Variants in CORIN observed in about 807,000 individuals in gnomAD.
CORIN encodes the protein corin, serine peptidase.
Under a neutral mutation model 125.3 loss-of-function variants are expected in CORIN, and 117 were observed. The ratio of observed to expected loss-of-function variants is 0.93; its 90% CI spans 0.80 to 1.09. The LOEUF (loss-of-function observed/expected upper bound fraction) is 1.09, where lower values mean the gene tolerates loss of function less well. Ranked by LOEUF, CORIN falls within the 50% of genes least tolerant of loss-of-function variation. The pLI is 0.00. For synonymous variants in CORIN, 450 were observed against 466.4 expected (o/e 0.96, Z 0.45); for missense variants, 1,253 against 1,306.7 (o/e 0.96, Z 0.63).
At position 47,834,062 on chromosome 4, in the gene CORIN, A is replaced by G. The variant is rs543346110; in HGVS notation, c.63+3825T>C. The stretch of plus-strand genomic sequence containing the variant: ...TGATACCAGCATACAGTATAGAACT[A>G]ACATATGATCCCATTTCTAGATATG... On this transcript the variant is annotated intron_variant, in intron 1 of 21. Coordinates refer to ENST00000273857, the MANE Select transcript of CORIN (RefSeq NM_006587.4). Among the ~76,000 whole-genome samples, 6 of 152,332 alleles carry G rather than the reference A, an allele frequency of 3.9e-5. 1 individual carries two copies. Among genetic ancestry groups the G allele is most frequent in the South Asian group, 4.1e-4 (2 of 4,832 alleles).
At chr4:47,751,490 C>G (rs1198898148) in intron 4 of CORIN, among the ~76,000 whole-genome samples, 2 of 152,116 alleles carry the variant, frequency 1.3e-5, no homozygotes, top group African/African-American at 2.4e-5. Context: ...AAAAATTAAG[C>G]CAGCTGTACT....
intron 10 of CORIN, among the ~76,000 whole-genome samples, chr4:47,671,916 T>G (rs1056052176): frequency 6.6e-6 from 1 of 151,698 alleles, no homozygotes; most frequent in Non-Finnish European, 1.5e-5. Context: ...AACACAGGAG[T>G]AATGAGGGCA....
intron 21 of CORIN, among the ~76,000 whole-genome samples, chr4:47,599,170 G>A (rs961840943): frequency 2.6e-5 from 4 of 152,162 alleles, no homozygotes; most frequent in African/African-American, 9.7e-5. Context: ...CTCCTGTAGA[G>A]AAGGGAGGGA....
chr4:47,698,734 T>G (rs1251673420), intron 5 of CORIN, among the ~76,000 whole-genome samples: 1 of 151,992 alleles, frequency 6.6e-6, no homozygotes, highest in Non-Finnish European at 1.5e-5. Context: ...GAGACATGAG[T>G]GGATGCTGGA....
chr4:47,707,244 T>A (rs1726614703), intron 5 of CORIN, among the ~76,000 whole-genome samples: 2 of 152,188 alleles, frequency 1.3e-5, no homozygotes, highest in Non-Finnish European at 2.9e-5. Flanking sequence ...CTGCGTGGTA[T>A]AATAGGCTTA....
At chr4:47,600,790 G>T (rs1400722469) in intron 20 of CORIN, among the ~76,000 whole-genome samples, 2 of 152,188 alleles carry the variant, frequency 1.3e-5, no homozygotes, top group Non-Finnish European at 2.9e-5. Context: ...GGGAAGGGTT[G>T]TCCTATTCTT....
chr4:47,795,054 C>T (rs1156550473), intron 2 of CORIN, among the ~76,000 whole-genome samples: 1 of 152,108 alleles, frequency 6.6e-6, no homozygotes, highest in Non-Finnish European at 1.5e-5. Context: ...AGTATTCTTT[C>T]CCCCTCGTGT....
intron 7 of CORIN, chr4:47,682,872 C>T (rs1377557436): frequency 1.3e-5 from 2 of 152,212 alleles, no homozygotes; most frequent in Non-Finnish European, 2.9e-5. Flanking sequence ...GGCAGCTAGA[C>T]AGCGCTCCTA....
At chr4:47,809,425 G>C (rs988721913) in intron 1 of CORIN, among the ~76,000 whole-genome samples, 10 of 106,204 alleles carry the variant, frequency 9.4e-5, no homozygotes, top group African/African-American at 4.0e-4. Context: ...TTTTTTTTGA[G>C]ATAGAGTCTC....
chr4:47,642,436 C>A (rs974341245), intron 15 of CORIN, among the ~76,000 whole-genome samples: 4 of 152,176 alleles, frequency 2.6e-5, no homozygotes, highest in Admixed American at 2.0e-4. Context: ...AACGCAAGTG[C>A]GTGAGAGGGA....
intron 12 of CORIN, among the ~76,000 whole-genome samples, chr4:47,659,164 C>G (rs1724134678): frequency 6.6e-6 from 1 of 152,172 alleles, no homozygotes; most frequent in African/African-American, 2.4e-5. Flanking sequence ...CTTCACTATC[C>G]ATATCACTAT....
At chr4:47,606,378 A>G in intron 19 of CORIN, among the ~76,000 whole-genome samples, 1 of 151,918 alleles carries the variant, frequency 6.6e-6, no homozygotes. Flanking sequence ...TCAGCCCCCC[A>G]CCAAGTAGCT....
intron 3 of CORIN, among the ~76,000 whole-genome samples, chr4:47,767,188 C>T (rs1729794259): frequency 6.6e-6 from 1 of 152,206 alleles, no homozygotes; most frequent in East Asian, 1.9e-4. Context: ...TGAAGTCAAT[C>T]TGCCCAGCAG....
rs143408149 is a variant in CORIN, at chr4:47,768,761, G to A, written c.410-5175C>T. Among the ~76,000 whole-genome samples, 6 of 152,196 alleles carry A rather than the reference G, an allele frequency of 3.9e-5. No individual in the cohort carries two copies. In the South Asian group the frequency reaches 8.3e-4, roughly 21 times the overall value. On this transcript the variant is annotated intron_variant, in intron 3 of 21. Coordinates refer to ENST00000273857, the MANE Select transcript of CORIN (RefSeq NM_006587.4). ...CTCAAAAGACAGAAAAAACACTTGA[G>A]AAAATTAAACATCCTTTCATGATAA...
intron 3 of CORIN, among the ~76,000 whole-genome samples, chr4:47,764,951 T>C (rs1729643023): frequency 6.6e-6 from 1 of 152,160 alleles, no homozygotes; most frequent in African/African-American, 2.4e-5. Flanking sequence ...ACTAAAAGGC[T>C]CATTCCCTCC....
At chr4:47,749,048 T>C (rs963804487) in intron 4 of CORIN, among the ~76,000 whole-genome samples, 10 of 152,198 alleles carry the variant, frequency 6.6e-5, no homozygotes, top group Admixed American at 4.6e-4. Flanking sequence ...TTGTCACTTT[T>C]TACTTTTGGC....
At chr4:47,669,269 T>C (rs184516902) in intron 10 of CORIN, among the ~76,000 whole-genome samples, 80 of 152,340 alleles carry the variant, frequency 5.3e-4, no homozygotes, top group African/African-American at 4.8e-4. Flanking sequence ...ATCGTTATGA[T>C]GTGATACTCT....
intron 4 of CORIN, among the ~76,000 whole-genome samples, chr4:47,761,410 T>A (rs1366926425): frequency 6.6e-6 from 1 of 151,260 alleles, no homozygotes; most frequent in Admixed American, 6.6e-5. Flanking sequence ...AGAGAGACAA[T>A]GGAACAATAG....
rs188674541 is a variant in CORIN at position 47,735,483 on chromosome 4, T to C, written c.799+8919A>G. On this transcript the variant is annotated intron_variant, in intron 5 of 21. Transcript: ENST00000273857. The stretch of plus-strand genomic sequence containing the variant: ...CGGAAATTTCTGTTCTATTTAAACA[T>C]ACATTTTTAAATATAAATGTTTCAT... 3.2e-3 allele frequency among the ~76,000 whole-genome samples: 492 copies of C among 152,336 alleles called. 3 individuals carry two copies. The highest frequency in any genetic ancestry group is 0.011 in the African/African-American group (468 of 41,574).
Sources: allele counts gnomAD v4.1 joint callset (sites outside exome capture counted in the v4.1 genomes callset), GRCh38; gene constraint gnomAD v4.1.1; transcripts MANE v1.5; gene names NCBI Gene and HGNC (gene_info 2026-07-23, HGNC 2026-07-21).